Variants in PTPRD observed in about 807,000 individuals in gnomAD.
PTPRD encodes the protein protein tyrosine phosphatase receptor type D.
A neutral mutation model predicts 214.5 loss-of-function variants in PTPRD; 34 were observed. The observed-to-expected ratio is 0.16, with a 90% CI of 0.12 to 0.21. The LOEUF is 0.21. PTPRD is among the 10% of genes least tolerant of loss of function. The pLI is 1.00. For synonymous variants in PTPRD, 1,128 were observed against 845.7 expected (o/e 1.33, Z -5.79); for missense variants, 2,545 against 2,398.7 (o/e 1.06, Z -1.27).
chr9:9,525,793 T>TAAATTTTATACCTTTGTATA (rs2073988835), intron 8 of PTPRD, among the ~76,000 whole-genome samples: 1 of 152,070 alleles, frequency 6.6e-6, no homozygotes, highest in Non-Finnish European at 1.5e-5. Flanking sequence ...TCATATTTCT[T>TAAATTTTATACCTTTGTATA]AAATTTTATA....
At chr9:9,272,846 G>A (rs1235085178) in intron 9 of PTPRD, among the ~76,000 whole-genome samples, 2 of 151,390 alleles carry the variant, frequency 1.3e-5, no homozygotes, top group South Asian at 4.2e-4. Flanking sequence ...CTGTGGTGAT[G>A]CAGTGAGCTC....
At chr9:10,456,692 T>C (rs565249757) in intron 2 of PTPRD, among the ~76,000 whole-genome samples, 13 of 151,944 alleles carry the variant, frequency 8.6e-5, no homozygotes, top group Middle Eastern at 3.4e-3. Context: ...TTTTTCAGTG[T>C]GTTTTCTTTT....
chr9:9,306,790 G>T (rs771465310), intron 9 of PTPRD, among the ~76,000 whole-genome samples: 2 of 152,000 alleles, frequency 1.3e-5, no homozygotes, highest in African/African-American at 4.8e-5. Flanking sequence ...TGTTAGCATT[G>T]AGAGTAAATT....
intron 7 of PTPRD, among the ~76,000 whole-genome samples, chr9:9,617,237 G>T (rs2154349892): frequency 6.6e-6 from 1 of 152,250 alleles, no homozygotes; most frequent in African/African-American, 2.4e-5. Context: ...ATAAACTGCT[G>T]AGTGGAAAGG....
intron 3 of PTPRD, among the ~76,000 whole-genome samples, chr9:10,074,280 G>C (rs1046054842): frequency 6.6e-6 from 1 of 152,098 alleles, no homozygotes; most frequent in African/African-American, 2.4e-5. Flanking sequence ...AGTGGCCTGA[G>C]AATGTTTAGA....
chr9:9,496,132 T>G (rs1441721184), intron 8 of PTPRD, among the ~76,000 whole-genome samples: 2 of 152,152 alleles, frequency 1.3e-5, no homozygotes, highest in East Asian at 3.9e-4. Flanking sequence ...TGTCTCAATG[T>G]GTCACAACTT....
At chr9:9,084,086 A>G (rs1325287319) in intron 10 of PTPRD, among the ~76,000 whole-genome samples, 3 of 152,186 alleles carry the variant, frequency 2.0e-5, no homozygotes, top group Admixed American at 1.3e-4. Flanking sequence ...TCATTCTACT[A>G]TAAAGACACA....
intron 8 of PTPRD, among the ~76,000 whole-genome samples, chr9:9,400,302 A>T (rs543907966): frequency 6.6e-6 from 1 of 152,052 alleles, no homozygotes; most frequent in East Asian, 1.9e-4. Flanking sequence ...TGGTAACCAA[A>T]ATTTAACTAA....
intron 11 of PTPRD, among the ~76,000 whole-genome samples, chr9:8,844,108 T>C (rs573986253): frequency 8.5e-5 from 13 of 152,342 alleles, no homozygotes; most frequent in African/African-American, 2.4e-4. Context: ...TACCTAAATA[T>C]TCCAAAAGAA....
In PTPRD at chr9:9,897,948, G is replaced by T. The variant is rs545630795; in HGVS notation, c.-368+40559C>A. ...TTGACGGCAGTGTAAAAAGGCCACA[G>T]AAAACAGGTAATCAAGTAAGCATGG... is the stretch of plus-strand genomic sequence containing the variant. On this transcript the variant is annotated intron_variant, in intron 5 of 45. Transcript: ENST00000381196. Among the ~76,000 whole-genome samples, 7 of 151,250 alleles carry T rather than the reference G, an allele frequency of 4.6e-5. No homozygotes were observed. In the East Asian group the frequency reaches 1.3e-3, roughly 29 times the overall value.
chr9:10,276,973 G>T (rs1224033334), intron 3 of PTPRD, among the ~76,000 whole-genome samples: 1 of 152,020 alleles, frequency 6.6e-6, no homozygotes, highest in Non-Finnish European at 1.5e-5. Flanking sequence ...CAATTATTTT[G>T]CCCTGGATAC....
At chr9:8,747,191 A>C (rs377014262) in intron 11 of PTPRD, among the ~76,000 whole-genome samples, 1 of 152,296 alleles carries the variant, frequency 6.6e-6, no homozygotes, top group East Asian at 1.9e-4. Context: ...AATCATGAAT[A>C]TTTATATTGC....
chr9:10,017,066 C>G (rs780874092), intron 4 of PTPRD, among the ~76,000 whole-genome samples: 41 of 152,158 alleles, frequency 2.7e-4, no homozygotes, highest in African/African-American at 9.7e-4. Flanking sequence ...GTTTTCCAAA[C>G]TGTTCCAATC....
chr9:9,217,916 T>A (rs532045750), intron 9 of PTPRD, among the ~76,000 whole-genome samples: 1 of 152,260 alleles, frequency 6.6e-6, no homozygotes, highest in Non-Finnish European at 1.5e-5. Context: ...TACATAAATT[T>A]ATTTTTATCT....
chr9:9,476,795 G>T (rs1331829592), intron 8 of PTPRD, among the ~76,000 whole-genome samples: 11 of 151,982 alleles, frequency 7.2e-5, no homozygotes, highest in African/African-American at 9.7e-5. Flanking sequence ...GAGGGCGATG[G>T]CACCATCTTG....
chr9:8,555,821 G>A (rs2141000032), intron 14 of PTPRD, among the ~76,000 whole-genome samples: 1 of 152,286 alleles, frequency 6.6e-6, no homozygotes, highest in Middle Eastern at 3.4e-3. Context: ...CAGATGGACT[G>A]AAAGTGGGCA....
intron 3 of PTPRD, among the ~76,000 whole-genome samples, chr9:10,086,444 A>G (rs2098339302): frequency 6.6e-6 from 1 of 151,740 alleles, no homozygotes. Flanking sequence ...TCCTAGTTCA[A>G]ACTATTGCCT....
chr9:8,905,724 G>A (rs1038658468), intron 11 of PTPRD, among the ~76,000 whole-genome samples: 4 of 143,194 alleles, frequency 2.8e-5, no homozygotes, highest in Non-Finnish European at 4.5e-5. Flanking sequence ...GGGAGACAGA[G>A]TGAGACTCCC....
At chr9:9,538,361 G>A (rs1300068337) in intron 8 of PTPRD, among the ~76,000 whole-genome samples, 5 of 151,812 alleles carry the variant, frequency 3.3e-5, no homozygotes, top group Admixed American at 2.6e-4. Flanking sequence ...ATTTGTCTCC[G>A]AGACAACCAT....
Sources: allele counts gnomAD v4.1 joint callset (sites outside exome capture counted in the v4.1 genomes callset), GRCh38; gene constraint gnomAD v4.1.1; transcripts MANE v1.5; gene names NCBI Gene and HGNC (gene_info 2026-07-23, HGNC 2026-07-21).